Variants in PTPRD observed in about 807,000 individuals in gnomAD.
PTPRD encodes the protein protein tyrosine phosphatase receptor type D, also known as receptor-type tyrosine-protein phosphatase delta.
A neutral mutation model predicts 214.5 loss-of-function variants in PTPRD; 34 were observed. The ratio of observed to expected loss-of-function variants is 0.16; its 90% CI spans 0.12 to 0.21. The LOEUF (loss-of-function observed/expected upper bound fraction) is 0.21, where lower values mean the gene tolerates loss of function less well. Ranked by LOEUF, PTPRD falls within the 10% of genes least tolerant of loss-of-function variation. The probability of loss-of-function intolerance (pLI) is 1.00; values close to 1 mark genes in which losing one functional copy is unlikely to be tolerated. For missense variants in PTPRD, 2,545 were observed against 2,398.7 expected (o/e 1.06, Z -1.27); for synonymous variants, 1,128 against 845.7 (o/e 1.33, Z -5.79).
In PTPRD at chr9:9,843,612, T is replaced by G. The variant is rs188708780; in HGVS notation, c.-367-76761A>C. Among the ~76,000 whole-genome samples, 569 of 152,062 alleles carry G rather than the reference T, an allele frequency of 3.7e-3. 3 individuals carry two copies. The highest frequency in any genetic ancestry group is 0.012 in the African/African-American group (514 of 41,538). On this transcript the variant is annotated intron_variant, in intron 5 of 45. Coordinates refer to ENST00000381196, the MANE Select transcript of PTPRD (RefSeq NM_002839.4). Reference sequence around the variant, plus strand: ...CACCCACACATTTTGACAGGATATATCTCATGTAGGTTTGACTTTAATAAA... The same window carrying G: ...CACCCACACATTTTGACAGGATATAGCTCATGTAGGTTTGACTTTAATAAA...
intron 27 of PTPRD, 149 bp from the exon 28 acceptor site, chr9:8,486,498 C>T (rs1172681265): frequency 2.6e-6 from 2 of 774,654 alleles, no homozygotes; most frequent in African/African-American, 3.4e-5. Flanking sequence ...ACCTACATAC[C>T]TTTGTGGAAA....
At chr9:9,513,125 T>C (rs768511500) in intron 8 of PTPRD, among the ~76,000 whole-genome samples, 15 of 151,950 alleles carry the variant, frequency 9.9e-5, no homozygotes, top group Non-Finnish European at 1.5e-4. Flanking sequence ...AGATAGTATA[T>C]GTCTGATTTA....
At chr9:9,056,812 C>A (rs1017561963) in intron 10 of PTPRD, among the ~76,000 whole-genome samples, 3 of 152,158 alleles carry the variant, frequency 2.0e-5, no homozygotes, top group African/African-American at 7.2e-5. Flanking sequence ...TTTATTAAAT[C>A]ATATTTATAT....
intron 8 of PTPRD, among the ~76,000 whole-genome samples, chr9:9,434,632 A>G (rs2084489233): frequency 6.6e-6 from 1 of 152,080 alleles, no homozygotes; most frequent in Non-Finnish European, 1.5e-5. Flanking sequence ...TATACTATAC[A>G]GATAGATAAA....
At chr9:9,473,660 T>A (rs1372576042) in intron 8 of PTPRD, among the ~76,000 whole-genome samples, 2 of 152,132 alleles carry the variant, frequency 1.3e-5, no homozygotes, top group Non-Finnish European at 2.9e-5. Context: ...ATTCTCTTGA[T>A]GATGGCCATT....
chr9:10,121,933 T>C (rs2098778956), intron 3 of PTPRD, among the ~76,000 whole-genome samples: 1 of 152,178 alleles, frequency 6.6e-6, no homozygotes, highest in Non-Finnish European at 1.5e-5. Flanking sequence ...TACCAACTCA[T>C]GTTACAAAAT....
intron 8 of PTPRD, among the ~76,000 whole-genome samples, chr9:9,570,116 G>A (rs2085908139): frequency 6.6e-6 from 1 of 151,446 alleles, no homozygotes; most frequent in Non-Finnish European, 1.5e-5. Context: ...AAAATTTCCA[G>A]AAAGTATTTG....
At chr9:9,005,976 T>TGG in intron 11 of PTPRD, among the ~76,000 whole-genome samples, 1 of 152,162 alleles carries the variant, frequency 6.6e-6, no homozygotes, top group East Asian at 1.9e-4. Context: ...AGAGAGCTTC[T>TGG]GGGGCTCCTG....
intron 11 of PTPRD, among the ~76,000 whole-genome samples, chr9:8,821,757 C>A (rs1030411543): frequency 1.3e-5 from 2 of 152,186 alleles, no homozygotes; most frequent in African/African-American, 4.8e-5. Flanking sequence ...CCTCCGCCTC[C>A]CAGGTTCAAG....
intron 7 of PTPRD, among the ~76,000 whole-genome samples, chr9:9,717,683 C>A (rs1374412859): frequency 6.6e-6 from 1 of 152,126 alleles, no homozygotes; most frequent in Non-Finnish European, 1.5e-5. Context: ...GAACTTAGCT[C>A]CACAAGTCTT....
intron 28 of PTPRD, 48 bp from the exon 29 acceptor site, chr9:8,485,372 T>C (rs1364622848): frequency 7.5e-7 from 1 of 1,341,772 alleles, no homozygotes; most frequent in Admixed American, 1.7e-5. Context: ...TTAAAACAGA[T>C]GACCTGTCCT....
chr9:9,420,429 A>C (rs1401672075), intron 8 of PTPRD, among the ~76,000 whole-genome samples: 1 of 151,890 alleles, frequency 6.6e-6, no homozygotes, highest in Non-Finnish European at 1.5e-5. Flanking sequence ...GATAGGTTCT[A>C]GCACATATTG....
chr9:9,930,767 C>T (rs1364927829), intron 5 of PTPRD, among the ~76,000 whole-genome samples: 1 of 151,772 alleles, frequency 6.6e-6, no homozygotes, highest in Non-Finnish European at 1.5e-5. Flanking sequence ...TGAAGCAGAA[C>T]AATATAAGTG....
intron 5 of PTPRD, among the ~76,000 whole-genome samples, chr9:9,791,409 A>G (rs1251433007): frequency 6.6e-6 from 1 of 152,120 alleles, no homozygotes; most frequent in Non-Finnish European, 1.5e-5. Flanking sequence ...TGCAATTATA[A>G]TAACGACCTT....
chr9:8,874,178 A>G (rs1378361239), intron 11 of PTPRD, among the ~76,000 whole-genome samples: 2 of 152,204 alleles, frequency 1.3e-5, no homozygotes, highest in Non-Finnish European at 2.9e-5. Context: ...ACCCACATTT[A>G]ACGGTAATGA....
At chr9:10,440,048 T>C (rs1325472563) in intron 2 of PTPRD, among the ~76,000 whole-genome samples, 1 of 151,276 alleles carries the variant, frequency 6.6e-6, no homozygotes, top group Non-Finnish European at 1.5e-5. Flanking sequence ...GTTTCAAATA[T>C]AAATTTTGCA....
At chr9:10,124,261 A>C (rs1457692501) in intron 3 of PTPRD, among the ~76,000 whole-genome samples, 1 of 152,240 alleles carries the variant, frequency 6.6e-6, no homozygotes, top group East Asian at 1.9e-4. Flanking sequence ...ATATTCATAT[A>C]ATAAGAATTA....
At chr9:10,346,919 C>G (rs144229960) in intron 2 of PTPRD, among the ~76,000 whole-genome samples, 192 of 152,206 alleles carry the variant, frequency 1.3e-3, no homozygotes, top group African/African-American at 4.2e-3. Context: ...TGTTAGAAAT[C>G]TTGCAATAAA....
At position 8,830,568 on chromosome 9, in the gene PTPRD, C is replaced by T. The variant is rs542683133; in HGVS notation, c.-103-96622G>A. ...CTGTGACCAAACAGAAAAGTGAGGA[C>T]CATGATCATCTCAAAACTCCTTCAA... On this transcript the variant is annotated intron_variant, in intron 11 of 45. Transcript: ENST00000381196. Among the ~76,000 whole-genome samples, 7 of 152,156 alleles carry T rather than the reference C, an allele frequency of 4.6e-5. 1 individual carries two copies. The highest frequency in any genetic ancestry group is 1.7e-4 in the African/African-American group (7 of 41,522).
Sources: gnomAD v4.1 joint callset for allele counts (sites outside exome capture counted in the v4.1 genomes callset) on GRCh38, gnomAD v4.1.1 for gene constraint, MANE v1.5 for transcripts, NCBI Gene and HGNC (gene_info 2026-07-23, HGNC 2026-07-21) for gene names.